FRMD3: variants seen among roughly 807,000 people sequenced by gnomAD.
FRMD3 encodes FERM domain-containing protein 3.
In FRMD3, 33 loss-of-function variants were observed where a neutral mutation model predicts 70.2. The observed-to-expected ratio is 0.47, with a 90% CI of 0.36 to 0.63. The LOEUF is 0.63. Ranked by LOEUF, FRMD3 falls within the 20% of genes least tolerant of loss-of-function variation. The pLI is 0.00. For missense variants in FRMD3, 632 were observed against 711.4 expected, an observed-to-expected ratio of 0.89 and a Z score of 1.27; for synonymous variants, 279 against 255.9, an observed-to-expected ratio of 1.09 and a Z score of -0.86.
At chr9:83,261,256 T>C (rs2118693792) in intron 13 of FRMD3, among the ~76,000 whole-genome samples, 1 of 152,244 alleles carries the variant, frequency 6.6e-6, no homozygotes, top group East Asian at 1.9e-4. Flanking sequence ...GCATTCTTCT[T>C]GTTCTTCTTT....
intron 13 of FRMD3, among the ~76,000 whole-genome samples, chr9:83,255,044 A>C (rs562921910): frequency 1.6e-4 from 25 of 152,340 alleles, no homozygotes; most frequent in Non-Finnish European, 3.1e-4. Context: ...GGGCAGCATC[A>C]TCCTATACCG....
In FRMD3 at chr9:83,314,355, A is replaced by G. The variant is rs1450451468; in HGVS notation, c.597-608T>C. Among the ~76,000 whole-genome samples the G allele has an allele frequency of 3.3e-5, 5 of 152,244 alleles. No individual in the cohort carries two copies. In the South Asian group the frequency reaches 6.2e-4, roughly 19 times the overall value. ...CGAAGCCCTTTCAGGGCTAACATCT[A>G]AAGAAAGACTATGCAACATTTCAAA... is the stretch of plus-strand genomic sequence containing the variant. On this transcript the variant is annotated intron_variant, in intron 6 of 13. Transcript: ENST00000304195.
intron 13 of FRMD3, among the ~76,000 whole-genome samples, chr9:83,274,594 T>G (rs1376889934): frequency 6.6e-6 from 1 of 152,100 alleles, no homozygotes; most frequent in Non-Finnish European, 1.5e-5. Flanking sequence ...CAGGTGGTGC[T>G]GGAAGGAGAA....
chr9:83,401,029 ACCT>A (rs1169954591), intron 1 of FRMD3, among the ~76,000 whole-genome samples: 2 of 152,126 alleles, frequency 1.3e-5, no homozygotes, highest in East Asian at 1.9e-4. Flanking sequence ...TGCTAGCATC[ACCT>A]CCTCTTCTTC....
At chr9:83,570,282 G>A in the FRMD3 span, among the ~76,000 whole-genome samples, 1 of 152,308 alleles carries the variant, frequency 6.6e-6, no homozygotes, top group East Asian at 1.9e-4. Flanking sequence ...ACTAGATGGT[G>A]ATCCAATTAT....
At chr9:83,288,872 C>T (rs530961299) in intron 13 of FRMD3, among the ~76,000 whole-genome samples, 2 of 152,286 alleles carry the variant, frequency 1.3e-5, no homozygotes, top group African/African-American at 4.8e-5. Context: ...ACCAGGTTCC[C>T]TTTCACATCT....
At chr9:83,552,429 T>C in the FRMD3 span, among the ~76,000 whole-genome samples, 4 of 152,222 alleles carry the variant, frequency 2.6e-5, no homozygotes, top group African/African-American at 9.6e-5. Flanking sequence ...CATGTGACAA[T>C]GTGAAGAATA....
At chr9:83,352,940 A>G (rs537167787) in intron 3 of FRMD3, among the ~76,000 whole-genome samples, 1 of 152,298 alleles carries the variant, frequency 6.6e-6, no homozygotes, top group Non-Finnish European at 1.5e-5. Flanking sequence ...ATTTGCTGGG[A>G]TATGATCACA....
intron 1 of FRMD3, among the ~76,000 whole-genome samples, chr9:83,420,202 G>C (rs574048917): frequency 6.6e-6 from 1 of 152,288 alleles, no homozygotes; most frequent in East Asian, 1.9e-4. Flanking sequence ...AGGCAGATGG[G>C]AGAGCCTCAT....
intron 13 of FRMD3, among the ~76,000 whole-genome samples, chr9:83,256,918 T>C (rs1832733678): frequency 6.6e-6 from 1 of 152,192 alleles, no homozygotes; most frequent in South Asian, 2.1e-4. Context: ...TTTACACTGT[T>C]GGTGGGAAGG....
At chr9:83,434,731 C>G (rs182066426) in intron 1 of FRMD3, among the ~76,000 whole-genome samples, 7 of 151,212 alleles carry the variant, frequency 4.6e-5, no homozygotes, top group African/African-American at 4.9e-5. Flanking sequence ...GTAACATGAT[C>G]AGAAATGTAT....
chr9:83,249,326 T>C (rs1467993406), intron 13 of FRMD3, among the ~76,000 whole-genome samples: 2 of 152,210 alleles, frequency 1.3e-5, no homozygotes, highest in African/African-American at 4.8e-5. Context: ...GAGAGGTGTT[T>C]CTCAATGCCT....
At chr9:83,356,465 A>G (rs1303144202) in intron 3 of FRMD3, among the ~76,000 whole-genome samples, 1 of 151,382 alleles carries the variant, frequency 6.6e-6, no homozygotes, top group Non-Finnish European at 1.5e-5. Context: ...TTTAGTAGAG[A>G]CGGGGTTTCA....
chr9:83,436,147 C>T (rs559052218), intron 1 of FRMD3, among the ~76,000 whole-genome samples: 17 of 152,250 alleles, frequency 1.1e-4, no homozygotes, highest in Admixed American at 5.9e-4. Context: ...GTCCTCATCC[C>T]GGCAATCCCT....
chr9:83,270,781 A>C (rs1563985640), intron 13 of FRMD3, among the ~76,000 whole-genome samples: 1 of 152,020 alleles, frequency 6.6e-6, no homozygotes, highest in Non-Finnish European at 1.5e-5. Flanking sequence ...GCATTCTCAG[A>C]TCAGTGCCTT....
chr9:83,406,220 C>T (rs931858202), intron 1 of FRMD3, among the ~76,000 whole-genome samples: 3 of 152,086 alleles, frequency 2.0e-5, no homozygotes, highest in Non-Finnish European at 4.4e-5. Context: ...CCTGCTTTCC[C>T]CTCCCTCCGT....
rs148417744 is a variant in FRMD3 at position 83,436,458 on chromosome 9, A to ATGTGTGTGTGTGTGTGTGTG, written c.148-46770_148-46751dup. Among the ~76,000 whole-genome samples, 239 of 144,656 alleles carry ATGTGTGTGTGTGTGTGTGTG rather than the reference A, an allele frequency of 1.7e-3. 1 individual carries two copies. The highest frequency in any genetic ancestry group is 3.5e-3 in the Middle Eastern group (1 of 284). The allele number at this position is 144,656 out of a possible 152,430, so 94.9% of individuals were successfully genotyped here. ...CCTTTGCCAAATTTTAATTAATAAG[A>ATGTGTGTGTGTGTGTGTGTG]TGTGTGTGTGTGTGTGTGTGTGTGT... On this transcript the variant is annotated intron_variant, in intron 1 of 13. Coordinates refer to ENST00000304195, the MANE Select transcript of FRMD3 (RefSeq NM_174938.6).
rs186141369 is a variant in FRMD3 at position 83,508,672 on chromosome 9, G to A, written c.147+29413C>T. Among the ~76,000 whole-genome samples, 284 of 152,076 alleles carry A rather than the reference G, an allele frequency of 1.9e-3. 1 individual carries two copies. The highest frequency in any genetic ancestry group is 2.9e-3 in the Non-Finnish European group (199 of 67,990). ...AATGCTCTCCCTGCCCCCACCCCAG[G>A]AGACACCACAGTGCCTGGTTTCTCA... On this transcript the variant is annotated intron_variant, in intron 1 of 13. Transcript: ENST00000304195.
At chr9:83,285,250 G>A (rs1031881476) in intron 13 of FRMD3, among the ~76,000 whole-genome samples, 17 of 152,032 alleles carry the variant, frequency 1.1e-4, no homozygotes, top group African/African-American at 3.9e-4. Context: ...GCACAAACAC[G>A]CGCAAACACA....
Sources: gnomAD v4.1 joint callset for allele counts (sites outside exome capture counted in the v4.1 genomes callset) on GRCh38, gnomAD v4.1.1 for gene constraint, MANE v1.5 for transcripts, NCBI Gene and HGNC (gene_info 2026-07-23, HGNC 2026-07-21) for gene names.